KLHL5: variants seen among roughly 807,000 people sequenced by gnomAD.
KLHL5 encodes the protein kelch-like protein 5.
KLHL5 carries 48 observed loss-of-function variants against 77.7 expected under a neutral mutation model. That is an observed-to-expected ratio of 0.62 (90% CI 0.49 to 0.79). The LOEUF (loss-of-function observed/expected upper bound fraction) is 0.79. Among genes scored for constraint, KLHL5 ranks in the 30% least tolerant of loss-of-function variants. The pLI is 0.00. For synonymous variants in KLHL5, 260 were observed against 297.0 expected, an observed-to-expected ratio of 0.88 and a Z score of 1.28; for missense variants, 723 against 859.7, an observed-to-expected ratio of 0.84 and a Z score of 1.99.
At position 39,101,845 on chromosome 4, in the gene KLHL5, CA is replaced by C. The variant is rs139956032; in HGVS notation, c.1301-1427del. ...TGGGTGATAAAGCAACAGTCTGTCTCAAAAAAAAAAAAAAATATATATATAT... is the reference window on the plus strand; with the variant it reads ...TGGGTGATAAAGCAACAGTCTGTCTCAAAAAAAAAAAAAATATATATATAT... On this transcript the variant is annotated intron_variant, in intron 6 of 10. Coordinates refer to ENST00000504108, the MANE Select transcript of KLHL5 (RefSeq NM_015990.5). Among the ~76,000 whole-genome samples the C allele has an allele frequency of 4.3e-3, 453 of 105,324 alleles. 4 individuals are homozygous for C. The highest frequency in any genetic ancestry group is 0.011 in the African/African-American group (280 of 26,650). 69.1% of individuals were successfully genotyped at this position (105,324 alleles called of 152,430 possible). A position where few individuals can be genotyped will look rare whatever the true frequency, so the allele number is the denominator to read the frequency against.
intron 1 of KLHL5, among the ~76,000 whole-genome samples, chr4:39,069,006 C>T (rs1266139688): frequency 6.6e-6 from 1 of 152,164 alleles, no homozygotes; most frequent in Non-Finnish European, 1.5e-5. Context: ...TGGCCCAGGG[C>T]GGATAGGTAG....
downstream of KLHL5, chr4:39,126,662 T>C: frequency 2.2e-6 from 1 of 451,312 alleles, no homozygotes; most frequent in Non-Finnish European, 4.4e-6. Flanking sequence ...CCATATTTCT[T>C]TGTGGATAAT....
rs1412302615 is a variant in KLHL5 at position 39,121,738 on chromosome 4, CAT to C, written c.*673_*674del. Reference sequence around the variant, plus strand: ...TTACATCTAGACTCACCAAGAACTACATGTTATGATGTTAAGTTGAAGTTGAA... The same window carrying C: ...TTACATCTAGACTCACCAAGAACTACGTTATGATGTTAAGTTGAAGTTGAA... On this transcript the variant is annotated 3_prime_UTR_variant, in exon 11 of 11. Coordinates refer to ENST00000504108, the MANE Select transcript of KLHL5 (RefSeq NM_015990.5). 1 of 152,394 alleles carries C rather than the reference CAT, an allele frequency of 6.6e-6. No individual in the cohort carries two copies. The highest frequency in any genetic ancestry group is 2.4e-5 in the African/African-American group (1 of 41,366). The allele number at this position is 152,394 out of a possible 1,614,324, so 9.4% of individuals were successfully genotyped here.
chr4:39,058,015 G>T (rs909899225), upstream of KLHL5, among the ~76,000 whole-genome samples: 2 of 152,152 alleles, frequency 1.3e-5, no homozygotes, highest in African/African-American at 2.4e-5. Context: ...TCACAGACAA[G>T]ATTTGAGCGG....
intron 5 of KLHL5, among the ~76,000 whole-genome samples, chr4:39,093,849 T>C (rs1048546471): frequency 6.6e-6 from 1 of 151,638 alleles, no homozygotes; most frequent in Non-Finnish European, 1.5e-5. Flanking sequence ...GAGGTTGCAG[T>C]GAGCTGAGAT....
At chr4:39,047,251 C>G (rs1716261315) in intron 1 of KLHL5, among the ~76,000 whole-genome samples, 1 of 152,132 alleles carries the variant, frequency 6.6e-6, no homozygotes, top group South Asian at 2.1e-4. Context: ...AACCCCGTCT[C>G]TACTAAAAAT....
intron 2 of KLHL5, among the ~76,000 whole-genome samples, chr4:39,077,694 T>TAAAAAAAAAAAAAA (rs60744492): frequency 7.8e-6 from 1 of 128,624 alleles, no homozygotes. Flanking sequence ...GAACTAAAGG[T>TAAAAAAAAAAAAAA]AAAAAAAAAA....
intron 9 of KLHL5, among the ~76,000 whole-genome samples, chr4:39,114,562 C>T (rs1722696553): frequency 6.6e-6 from 1 of 152,174 alleles, no homozygotes; most frequent in Admixed American, 6.5e-5. Context: ...AACTGCATTT[C>T]ACTATATTGG....
chr4:39,112,342 T>C (rs985677685), intron 8 of KLHL5, among the ~76,000 whole-genome samples: 1 of 152,220 alleles, frequency 6.6e-6, no homozygotes, highest in African/African-American at 2.4e-5. Flanking sequence ...TAACAAATGT[T>C]ACTTTTTATG....
At chr4:39,141,220 C>T in the KLHL5 span, among the ~76,000 whole-genome samples, 6 of 152,078 alleles carry the variant, frequency 3.9e-5, no homozygotes, top group South Asian at 1.2e-3. Flanking sequence ...CAAACCTATC[C>T]TCTACTTGTC....
intron 1 of KLHL5, among the ~76,000 whole-genome samples, chr4:39,063,308 A>G (rs561387305): frequency 2.6e-5 from 4 of 152,248 alleles, no homozygotes; most frequent in Non-Finnish European, 5.9e-5. Flanking sequence ...AATATATAGT[A>G]GCAATTTCAT....
In KLHL5 at chr4:39,093,265, A is replaced by AT. The variant is rs1720753616; in HGVS notation, c.1114-3425dup. The AT allele has an allele frequency of 1.9e-5, 8 of 427,722 alleles. 1 individual carries two copies. Among genetic ancestry groups the AT allele is most frequent in the Middle Eastern group, 3.5e-4 (1 of 2,890 alleles). The allele number at this position is 427,722 out of a possible 1,614,324, so 26.5% of individuals were successfully genotyped here. A position where few individuals can be genotyped will look rare whatever the true frequency, so the allele number is the denominator to read the frequency against. On this transcript the variant is annotated intron_variant, in intron 5 of 10. Transcript: ENST00000504108. ...AGAAGCAAGACACCAGAGTCTCCAT[A>AT]TTGTATGATTCTCTGTATATGAAAT... is the stretch of plus-strand genomic sequence containing the variant.
chr4:39,046,036 C>CT lies in KLHL5; in HGVS notation c.-95+954dup, dbSNP rs71192816. 3.9e-3 allele frequency among the ~76,000 whole-genome samples: 556 copies of CT among 143,704 alleles called. 3 individuals carry two copies. The highest frequency in any genetic ancestry group is 9.8e-3 in the African/African-American group (382 of 38,782). 94.3% of individuals were successfully genotyped at this position (143,704 alleles called of 152,430 possible). A position where few individuals can be genotyped will look rare whatever the true frequency, so the allele number is the denominator to read the frequency against. On this transcript the variant is annotated intron_variant, in intron 1 of 11. Coordinates refer to the KLHL5 transcript ENST00000261425. The stretch of plus-strand genomic sequence containing the variant: ...TCTGGCGGCAAAAAACCAATCATGA[C>CT]TTTTTTTTTTTTTTCTGGTTTTCAG...
chr4:39,062,041 A>G (rs1473138769), upstream of KLHL5, among the ~76,000 whole-genome samples: 1 of 152,198 alleles, frequency 6.6e-6, no homozygotes, highest in African/African-American at 2.4e-5. Flanking sequence ...GAAAATCACC[A>G]TAACTCATCT....
chr4:39,055,936 T>C (rs777410051), intron 1 of KLHL5, among the ~76,000 whole-genome samples: 10 of 152,244 alleles, frequency 6.6e-5, no homozygotes, highest in Non-Finnish European at 1.5e-4. Context: ...CCTCGTATAC[T>C]TATAGGTATA....
chr4:39,082,084 C>A lies in KLHL5; in HGVS notation c.825C>A (p.Asn275Lys). The change falls in exon 4 of 11, where the codon AAC (asparagine) becomes AAA (lysine). Residue 275 changes from asparagine to lysine, a missense_variant. This residue lies in a region of KLHL5 where 288 missense variants were observed against 400.3 expected (regional missense o/e 0.72). Coordinates refer to ENST00000504108, the MANE Select transcript of KLHL5 (RefSeq NM_015990.5). ...KFLMKQLHPS[N>K]CLGIRSFADA... ...TAATGAAACAGCTTCATCCATCCAACTGTCTTGGAATTCGTTCTTTTGCTG... is the reference window on the plus strand; with the variant it reads ...TAATGAAACAGCTTCATCCATCCAAATGTCTTGGAATTCGTTCTTTTGCTG... The A allele has an allele frequency of 6.2e-7, 1 of 1,614,012 alleles. No homozygotes were observed. The highest frequency in any genetic ancestry group is 8.5e-7 in the Non-Finnish European group (1 of 1,179,950).
chr4:39,130,718 G>A (rs907901670), downstream of KLHL5, among the ~76,000 whole-genome samples: 6 of 152,052 alleles, frequency 3.9e-5, no homozygotes, highest in South Asian at 2.1e-4. Flanking sequence ...CTCACACTGC[G>A]TCCCTGACTC....
intron 1 of KLHL5, among the ~76,000 whole-genome samples, chr4:39,052,505 TAAA>T (rs1716728815): frequency 6.6e-6 from 1 of 152,164 alleles, no homozygotes; most frequent in Non-Finnish European, 1.5e-5. Context: ...ACTAGATCAT[TAAA>T]AATCCTGAAT....
chr4:39,141,878 G>A, the KLHL5 span, among the ~76,000 whole-genome samples: 3 of 152,334 alleles, frequency 2.0e-5, no homozygotes, highest in Non-Finnish European at 1.5e-5. Flanking sequence ...TGAATCATGA[G>A]AGAACATGAG....
Sources: gnomAD v4.1 joint callset for allele counts (sites outside exome capture counted in the v4.1 genomes callset) on GRCh38, gnomAD v4.1.1 for gene constraint, gnomAD v4.1.1 regional missense constraint, MANE v1.5 for transcripts, NCBI Gene and HGNC (gene_info 2026-07-23, HGNC 2026-07-21) for gene names.